The following DCDC1 variants were observed in gnomAD, a reference collection of about 807,000 sequenced individuals.
DCDC1 encodes doublecortin domain containing 1.
In DCDC1, 200 loss-of-function variants were observed where a neutral mutation model predicts 178.3. The ratio of observed to expected loss-of-function variants is 1.12; its 90% CI spans 1.00 to 1.26. The LOEUF is 1.26. DCDC1 is among the 50% of genes most tolerant of loss of function. The probability of loss-of-function intolerance (pLI) is 0.00; values close to 1 mark genes in which losing one functional copy is unlikely to be tolerated. For missense variants in DCDC1, 1,983 were observed against 1,749.2 expected, an observed-to-expected ratio of 1.13 and a Z score of -2.38; for synonymous variants, 690 against 604.8, an observed-to-expected ratio of 1.14 and a Z score of -2.07.
At chr11:30,975,635 T>G (rs1950059996) in intron 20 of DCDC1, among the ~76,000 whole-genome samples, 1 of 151,784 alleles carries the variant, frequency 6.6e-6, no homozygotes, top group Admixed American at 6.6e-5. Flanking sequence ...TAAAATAAAA[T>G]ACCTAGCAAT....
intron 23 of DCDC1, among the ~76,000 whole-genome samples, chr11:30,923,133 C>T (rs1252656126): frequency 1.3e-5 from 2 of 152,054 alleles, no homozygotes; most frequent in Non-Finnish European, 2.9e-5. Context: ...AATCTGGTCC[C>T]CTGCCTGTTT....
chr11:31,217,988 T>C (rs1395354877), intron 9 of DCDC1, among the ~76,000 whole-genome samples: 1 of 152,122 alleles, frequency 6.6e-6, no homozygotes, highest in African/African-American at 2.4e-5. Context: ...GCTATATATT[T>C]CAAAGAAATA....
At position 31,273,944 on chromosome 11, in the gene DCDC1, C is replaced by T. The variant is rs149928156; in HGVS notation, c.961-8344G>A. Among the ~76,000 whole-genome samples, 7 of 152,106 alleles carry T rather than the reference C, an allele frequency of 4.6e-5. No homozygotes were observed. The East Asian group carries it at 5.8e-4, about 13-fold the overall frequency. ...ACTCCTCCTTATAAAACCATCAGATCGCATGAGACTAACTATCATGAGAAC... is the reference window on the plus strand; with the variant it reads ...ACTCCTCCTTATAAAACCATCAGATTGCATGAGACTAACTATCATGAGAAC... On this transcript the variant is annotated intron_variant, in intron 7 of 38. Coordinates refer to ENST00000684477, the MANE Select transcript of DCDC1 (RefSeq NM_001387274.1).
chr11:30,993,135 G>A (rs982224168), intron 20 of DCDC1, among the ~76,000 whole-genome samples: 6 of 152,010 alleles, frequency 3.9e-5, no homozygotes, highest in Non-Finnish European at 8.8e-5. Context: ...GAAAACTTAT[G>A]TTAAATCCTA....
rs1565051592 is a variant in DCDC1, at chr11:30,903,643, G to GCT, written c.4347_4348dup (p.Ala1450GlufsTer25). ...ATCTTTGGTATATACTTTGGAGGCT[G>GCT]CTCTGGCAAGCCCAAGTTGTTCCGT... On this transcript the variant is annotated frameshift_variant, in exon 32 of 39. Coordinates refer to ENST00000684477, the MANE Select transcript of DCDC1 (RefSeq NM_001387274.1). LOFTEE classifies it high-confidence loss of function. The GCT allele has an allele frequency of 6.2e-7, 1 of 1,609,774 alleles. No individual in the cohort carries two copies. The highest frequency in any genetic ancestry group is 2.2e-5 in the East Asian group (1 of 44,788).
chr11:31,307,499 AAAAAAC>A lies in DCDC1; in HGVS notation c.434+134_434+139del, dbSNP rs369668059. The A allele has an allele frequency of 5.9e-6, 7 of 1,190,804 alleles. No individual in the cohort carries two copies. In the African/African-American group the frequency reaches 6.2e-5, roughly 11 times the overall value. 73.8% of individuals were successfully genotyped at this position (1,190,804 alleles called of 1,614,324 possible). A position where few individuals can be genotyped will look rare whatever the true frequency, so the allele number is the denominator to read the frequency against. The stretch of plus-strand genomic sequence containing the variant: ...CATTCTACTCTGGTGCTTTCAAAGA[AAAAAAC>A]AAAAACAAAAACAAAACCCGAGAGA... On this transcript the variant is annotated intron_variant, in intron 4 of 38. Transcript: ENST00000684477.
intron 6 of DCDC1, among the ~76,000 whole-genome samples, chr11:31,298,740 T>C (rs1242761581): frequency 2.0e-5 from 3 of 152,234 alleles, no homozygotes; most frequent in Non-Finnish European, 4.4e-5. Flanking sequence ...AAAAAGCCAA[T>C]GTCTGTCACA....
chr11:30,919,444 T>C (rs1173714635), intron 25 of DCDC1, among the ~76,000 whole-genome samples: 1 of 152,214 alleles, frequency 6.6e-6, no homozygotes, highest in Non-Finnish European at 1.5e-5. Flanking sequence ...CAGGCCTTCA[T>C]GAAATCTCTG....
chr11:31,084,636 A>G (rs1957368002), intron 17 of DCDC1, among the ~76,000 whole-genome samples: 1 of 152,146 alleles, frequency 6.6e-6, no homozygotes, highest in South Asian at 2.1e-4. Flanking sequence ...TTAGGATGAT[A>G]TGCCTTTGTA....
chr11:31,244,388 T>C (rs1468401578), intron 8 of DCDC1, among the ~76,000 whole-genome samples: 1 of 151,760 alleles, frequency 6.6e-6, no homozygotes, highest in Admixed American at 6.6e-5. Flanking sequence ...TTCTCTTTTA[T>C]GTAGAGTTCT....
rs754086379 is a variant in DCDC1, at chr11:31,064,535, G to A, written c.2525C>T (p.Thr842Met). The A allele has an allele frequency of 1.0e-5, 8 of 765,754 alleles. No homozygotes were observed. The highest frequency in any genetic ancestry group is 7.3e-5 in the East Asian group (3 of 41,230). The allele number at this position is 765,754 out of a possible 1,614,324, so 47.4% of individuals were successfully genotyped here. A position where few individuals can be genotyped will look rare whatever the true frequency, so the allele number is the denominator to read the frequency against. Residue 842 changes from threonine to methionine, a missense_variant, in exon 20 of 39, where the codon ACG becomes ATG. Coordinates refer to ENST00000684477, the MANE Select transcript of DCDC1 (RefSeq NM_001387274.1). ...CACCAGTGCTACTGTCAGCTCCCCC[G>A]TCTCCTCAAGAGAACCTTCTGGCAT... ...HLMPEGSLEE[T>M]GELTVALVRK... is the part of the protein sequence containing the mutation.
At chr11:31,359,852 A>T (rs1951617806) in intron 1 of DCDC1, among the ~76,000 whole-genome samples, 1 of 152,166 alleles carries the variant, frequency 6.6e-6, no homozygotes, top group South Asian at 2.1e-4. Context: ...TTTTACATAT[A>T]AGAGCTAAGG....
At chr11:31,315,651 T>TC (rs1949055425) in intron 3 of DCDC1, among the ~76,000 whole-genome samples, 1 of 143,954 alleles carries the variant, frequency 6.9e-6, no homozygotes, top group Non-Finnish European at 1.5e-5. Context: ...CATACCTTTT[T>TC]TTTTTTTTTT....
At chr11:30,952,371 T>C in intron 21 of DCDC1, 74 bp downstream of exon 21, 2 of 1,345,122 alleles carry the variant, frequency 1.5e-6, no homozygotes, top group Middle Eastern at 3.9e-4. Context: ...ATATGGAAGT[T>C]GTCAGGAATT....
At chr11:31,174,307 C>A (rs1967679970) in intron 9 of DCDC1, among the ~76,000 whole-genome samples, 1 of 152,202 alleles carries the variant, frequency 6.6e-6, no homozygotes, top group Non-Finnish European at 1.5e-5. Flanking sequence ...GAGGCTGAGC[C>A]CAGGCATTGT....
chr11:30,970,929 A>G (rs2134679939), intron 20 of DCDC1, among the ~76,000 whole-genome samples: 1 of 152,276 alleles, frequency 6.6e-6, no homozygotes, highest in African/African-American at 2.4e-5. Context: ...TGCCCAGCAC[A>G]GCACACCACC....
At chr11:31,155,869 T>C (rs948580562) in intron 9 of DCDC1, 1 of 152,204 alleles carries the variant, frequency 6.6e-6, no homozygotes, top group African/African-American at 2.4e-5. Flanking sequence ...TCATACAGTA[T>C]CTTCATCTTC....
chr11:30,892,894 G>C lies in DCDC1; in HGVS notation c.5006C>G (p.Thr1669Arg). 6.2e-7 allele frequency: 1 copy of C among 1,613,902 alleles called. No individual in the cohort carries two copies. The highest frequency in any genetic ancestry group is 8.5e-7 in the Non-Finnish European group (1 of 1,179,848). The change falls in exon 36 of 39, where the codon ACA becomes AGA. Residue 1669 changes from threonine (T) to arginine (R), a missense_variant. Coordinates refer to ENST00000684477, the MANE Select transcript of DCDC1 (RefSeq NM_001387274.1). ...KPSNLYKQPN[T>R]KRVWIYLNGG... ...ATTTAGATAAATCCACACTCGTTTT[G>C]TGTTGGGCTGCTTATACAGGTTGCT...
chr11:31,060,101 G>A (rs1377902795), intron 20 of DCDC1, among the ~76,000 whole-genome samples: 1 of 151,792 alleles, frequency 6.6e-6, no homozygotes, highest in East Asian at 1.9e-4. Context: ...TTTATCAGGG[G>A]AAAAAAGGGC....
Sources: gnomAD v4.1 joint callset for allele counts (sites outside exome capture counted in the v4.1 genomes callset) on GRCh38, gnomAD v4.1.1 for gene constraint, MANE v1.5 for transcripts, NCBI Gene and HGNC (gene_info 2026-07-23, HGNC 2026-07-21) for gene names.